The following CPT1B variants were observed in gnomAD, a reference collection of about 807,000 sequenced individuals.
The protein encoded by CPT1B is carnitine palmitoyltransferase 1B, also known as carnitine O-palmitoyltransferase 1, muscle isoform.
A neutral mutation model predicts 92.7 loss-of-function variants in CPT1B; 57 were observed. That is an observed-to-expected ratio of 0.62 (90% CI 0.50 to 0.77). The LOEUF (loss-of-function observed/expected upper bound fraction) is 0.77. Ranked by LOEUF, CPT1B falls within the 30% of genes least tolerant of loss-of-function variation. The pLI is 0.00. For missense variants in CPT1B, 983 were observed against 1,017.4 expected (o/e 0.97, Z 0.46); for synonymous variants, 398 against 383.5 (o/e 1.04, Z -0.44).
chr22:50,572,290 G>A lies in CPT1B; in HGVS notation c.1371C>T (p.Phe457=). ...GGCCATTCTTGAAGGAAATGAGAGT[G>A]AAGGATTTGTCAAACCACCTGCAGG... ...NCYNRWFDKS[F]TLISFKNGQL... The change falls in exon 12 of 20, where the codon TTC becomes TTT. Residue 457 remains phenylalanine, a synonymous_variant. Transcript: ENST00000312108. 6.2e-7 allele frequency: 1 copy of A among 1,613,590 alleles called. No individual in the cohort carries two copies. Among genetic ancestry groups the A allele is most frequent in the Non-Finnish European group, 8.5e-7 (1 of 1,179,660 alleles).
Position 50,571,409 on chromosome 22 carries a change from A to G in CPT1B, c.1706T>C (p.Phe569Ser), listed in dbSNP as rs761024071. ...AGCCAGCTGCAGCGCGATCTGCACAAAGGCATCAGGGCTGGTCCGGCACTT... is the reference window on the plus strand; with the variant it reads ...AGCCAGCTGCAGCGCGATCTGCACAGAGGCATCAGGGCTGGTCCGGCACTT... Reference protein sequence around the residue: ...IKKCRTSPDAFVQIALQLAHF... With the variant: ...IKKCRTSPDASVQIALQLAHF... The change falls in exon 14 of 20, where the codon TTT becomes TCT. Residue 569 changes from phenylalanine to serine, a missense_variant. By Grantham distance (155) the Phe-to-Ser change is radical (BLOSUM62 -2). Coordinates refer to ENST00000312108, the MANE Select transcript of CPT1B (RefSeq NM_152246.3). 1.2e-6 allele frequency: 2 copies of G among 1,613,906 alleles called. No individual in the cohort carries two copies. Among genetic ancestry groups the G allele is most frequent in the Admixed American group, 1.7e-5 (1 of 60,030 alleles).
chr22:50,578,170 A>G (rs73445517), intron 1 of CPT1B: 7,895 of 162,692 alleles, frequency 0.049, 704 homozygotes, highest in African/African-American at 0.18. Flanking sequence ...CAGGAGCCCC[A>G]AGGACGGCGA....
intron 5 of CPT1B, 50 bp downstream of exon 5, chr22:50,576,486 C>T (rs2070442707): frequency 6.3e-6 from 10 of 1,594,214 alleles, no homozygotes; most frequent in Non-Finnish European, 8.6e-6. Context: ...GGAAACATCT[C>T]CTGAATCCAA....
chr22:50,569,782 T>A (rs2070071444), intron 17 of CPT1B, 114 bp from the exon 18 acceptor site: 1 of 882,142 alleles, frequency 1.1e-6, no homozygotes, highest in African/African-American at 1.7e-5. Context: ...GCCCCAGCCC[T>A]AGACACTGCA....
intron 13 of CPT1B, 129 bp from the exon 14 acceptor site, chr22:50,571,668 G>T: frequency 9.2e-7 from 1 of 1,081,388 alleles, no homozygotes; most frequent in Non-Finnish European, 1.3e-6. Context: ...TCAGGAGGAG[G>T]GTACGCAAAA....
At chr22:50,575,204 G>A (rs2070378162) in intron 7 of CPT1B, among the ~76,000 whole-genome samples, 4 of 151,908 alleles carry the variant, frequency 2.6e-5, no homozygotes, top group African/African-American at 7.3e-5. Context: ...TGGTAGAGAC[G>A]GGGTTTCACC....
Position 50,569,635 on chromosome 22 carries a change from T to G in CPT1B, c.2176A>C (p.Ile726Leu). ...AAGAAGATCGTGTTCTCGCCTGCAA[T>G]CATGTAGGAAACTCCATAGCCATCA... The part of the protein sequence containing the change: ...ADDGYGVSYM[I>L]AGENTIFFHI... The change falls in exon 18 of 20, where the codon ATT becomes CTT. Residue 726 changes from isoleucine to leucine, a missense_variant. Ile to Leu is a conservative substitution (Grantham distance 5). Coordinates refer to ENST00000312108, the MANE Select transcript of CPT1B (RefSeq NM_152246.3). The G allele has an allele frequency of 6.2e-7, 1 of 1,614,016 alleles. No homozygotes were observed. The highest frequency in any genetic ancestry group is 8.5e-7 in the Non-Finnish European group (1 of 1,180,014).
In CPT1B at chr22:50,576,124, T is replaced by G. The variant is rs1263062882; in HGVS notation, c.700-12A>C. ...CACCAGTCACTCACCTGTGGGGAGG[T>G]GGAAGGTTAGAGCTGGGGCGGGTGC... On this transcript the variant is annotated splice_polypyrimidine_tract_variant and intron_variant, in intron 6 of 19. Transcript: ENST00000312108. The G allele has an allele frequency of 4.3e-6, 7 of 1,613,326 alleles. No homozygotes were observed. The highest frequency in any genetic ancestry group is 5.9e-6 in the Non-Finnish European group (7 of 1,179,916).
chr22:50,572,222 A>G lies in CPT1B; in HGVS notation c.1439T>C (p.Ile480Thr). 6.2e-7 allele frequency: 1 copy of G among 1,613,500 alleles called. No homozygotes were observed. The highest frequency in any genetic ancestry group is 8.5e-7 in the Non-Finnish European group (1 of 1,179,494). The change falls in exon 12 of 20, where the codon ATC becomes ACC. Residue 480 changes from isoleucine to threonine, a missense_variant. Coordinates refer to ENST00000312108, the MANE Select transcript of CPT1B (RefSeq NM_152246.3). The stretch of plus-strand genomic sequence containing the variant: ...TATTACCTCCCAGAGGTGCCCAATG[A>G]TGGGAGCATCTGCCCACGCATGCTC... ...NAEHAWADAP[I>T]IGHLWEFVLG...
Position 50,571,403 on chromosome 22 carries a change from T to C in CPT1B, c.1712A>G (p.Gln571Arg), listed in dbSNP as rs1399078762. 6.2e-7 allele frequency: 1 copy of C among 1,613,924 alleles called. No individual in the cohort carries two copies. The highest frequency in any genetic ancestry group is 8.5e-7 in the Non-Finnish European group (1 of 1,180,020). The change falls in exon 14 of 20, where the codon CAG (glutamine) becomes CGG (arginine). Residue 571 changes from glutamine (Q) to arginine (R), a missense_variant. Gln to Arg is a conservative substitution (Grantham distance 43). Transcript: ENST00000312108. ...KCRTSPDAFV[Q>R]IALQLAHFRD... ...GAAGTGAGCCAGCTGCAGCGCGATC[T>C]GCACAAAGGCATCAGGGCTGGTCCG... is the stretch of plus-strand genomic sequence containing the variant.
Position 50,573,083 on chromosome 22 carries a change from C to A in CPT1B, c.1167-23G>T. ...ACCCTGAAGCATGGGGCAGGGTAAGCAGTGGGCACGTGGACTTGGGATGAG... is the reference window on the plus strand; with the variant it reads ...ACCCTGAAGCATGGGGCAGGGTAAGAAGTGGGCACGTGGACTTGGGATGAG... On this transcript the variant is annotated intron_variant, in intron 10 of 19. Coordinates refer to ENST00000312108, the MANE Select transcript of CPT1B (RefSeq NM_152246.3). The surrounding 1 kb of genome is among the most constrained non-coding windows in gnomAD (Gnocchi z 5.0). 1 of 1,578,980 alleles carries A rather than the reference C, an allele frequency of 6.3e-7. No homozygotes were observed. Among genetic ancestry groups the A allele is most frequent in the Non-Finnish European group, 8.7e-7 (1 of 1,154,222 alleles).
rs1433893931 is a variant in CPT1B at position 50,576,625 on chromosome 22, G to A, written c.472C>T (p.Leu158Phe). The A allele has an allele frequency of 1.2e-6, 2 of 1,610,858 alleles. No homozygotes were observed. Among genetic ancestry groups the A allele is most frequent in the South Asian group, 2.2e-5 (2 of 90,728 alleles). The change falls in exon 5 of 20, where the codon CTT (leucine) becomes TTT (phenylalanine). Residue 158 changes from leucine to phenylalanine, a missense_variant. Transcript: ENST00000312108. Reference sequence around the variant, plus strand: ...AGCATAGGGTGCCGGCTGGATAGAAGGCGGATACACATCTGGGGGTACAGA... The same window carrying A: ...AGCATAGGGTGCCGGCTGGATAGAAAGCGGATACACATCTGGGGGTACAGA... The part of the protein sequence containing the change: ...LTRIWAMCIR[L>F]LSSRHPMLYS...
Position 50,578,048 on chromosome 22 carries a change from C to A in CPT1B, c.-19-114G>T, listed in dbSNP as rs1443714591. 11 of 593,362 alleles carry A rather than the reference C, an allele frequency of 1.9e-5. 1 individual carries two copies. The highest frequency in any genetic ancestry group is 2.5e-5 in the Non-Finnish European group (11 of 445,640). 36.8% of individuals were successfully genotyped at this position (593,362 alleles called of 1,614,324 possible). A position where few individuals can be genotyped will look rare whatever the true frequency, so the allele number is the denominator to read the frequency against. ...CTCGCGCCCCCCACCCCGCGACTAG[C>A]GGCTGCCCCCGGCCCGCGCCCCCCG... On this transcript the variant is annotated intron_variant, in intron 1 of 19. Transcript: ENST00000312108.
Position 50,570,364 on chromosome 22 carries a change from G to A in CPT1B, c.2071C>T (p.Gln691Ter). ...PWRLSTSQIP[Q>*]SQIRMFDPEQ... The stretch of plus-strand genomic sequence containing the variant: ...GGGTCGAACATGCGGATCTGGGATT[G>A]GGGGATCTGGCTGGTGGAGAGACGC... Residue 691 changes from glutamine to a stop codon, truncating the protein, a stop_gained, in exon 17 of 20, where the codon CAA becomes TAA. Transcript: ENST00000312108. LOFTEE classifies it high-confidence loss of function. 1 of 1,608,566 alleles carries A rather than the reference G, an allele frequency of 6.2e-7. No individual in the cohort carries two copies. The highest frequency in any genetic ancestry group is 1.1e-5 in the South Asian group (1 of 90,378).
rs1371063579 is a variant in CPT1B, at chr22:50,576,313, A to C, written c.584T>G (p.Leu195Trp). The C allele has an allele frequency of 6.2e-7, 1 of 1,613,892 alleles. No individual in the cohort carries two copies. Among genetic ancestry groups the C allele is most frequent in the Non-Finnish European group, 8.5e-7 (1 of 1,180,024 alleles). Residue 195 changes from leucine to tryptophan, a missense_variant, in exon 6 of 20, where the codon TTG becomes TGG. By Grantham distance (61) the Leu-to-Trp change is moderately conservative. Coordinates refer to ENST00000312108, the MANE Select transcript of CPT1B (RefSeq NM_152246.3). Reference protein sequence around the residue: ...IQRYLESVRPLLDDEEYYRME... With the variant: ...IQRYLESVRPWLDDEEYYRME... ...GCGGTAATATTCCTCATCATCCAAC[A>C]AGGGGCGCACAGACTCTAGGTACTG...
At position 50,573,009 on chromosome 22, in the gene CPT1B, C is replaced by T; in HGVS notation, c.1218G>A (p.Lys406=). The part of the protein sequence containing the change: ...RQAFFSSGKN[K]AALEAIERAA... Reference sequence around the variant, plus strand: ...CACGCTCGATGGCCTCCAAGGCAGCCTTATTCTTTCCAGAGCTAAAGAAGG... The same window carrying T: ...CACGCTCGATGGCCTCCAAGGCAGCTTTATTCTTTCCAGAGCTAAAGAAGG... Residue 406 remains lysine, a synonymous_variant, in exon 11 of 20, where the codon AAG becomes AAA. Transcript: ENST00000312108. This position sits in a 1 kb window ranked among gnomAD's most constrained non-coding sequence, Gnocchi z 5.0. 6.2e-7 allele frequency: 1 copy of T among 1,612,594 alleles called. No individual in the cohort carries two copies. Among genetic ancestry groups the T allele is most frequent in the Non-Finnish European group, 8.5e-7 (1 of 1,179,058 alleles).
chr22:50,578,057 C>A, intron 1 of CPT1B, 123 bp from the exon 2 acceptor site: 1 of 521,284 alleles, frequency 1.9e-6, no homozygotes, highest in Non-Finnish European at 2.6e-6. Context: ...GCGGCTGCCC[C>A]CGGCCCGCGC....
At chr22:50,574,965 G>C (rs2070364826) in intron 7 of CPT1B, 2 of 175,408 alleles carry the variant, frequency 1.1e-5, no homozygotes, top group Middle Eastern at 2.4e-3. Context: ...ACCACGCCTG[G>C]CTCTGAGCTT....
At chr22:50,570,640 C>T (rs1221354992) in intron 16 of CPT1B, among the ~76,000 whole-genome samples, 1 of 152,232 alleles carries the variant, frequency 6.6e-6, no homozygotes, top group African/African-American at 2.4e-5. Flanking sequence ...GTAGTGCTGT[C>T]ACCACCTGAC....
Sources: gnomAD v4.1 joint callset for allele counts (sites outside exome capture counted in the v4.1 genomes callset) on GRCh38, gnomAD v4.1.1 for gene constraint, Gnocchi (gnomAD v3.1) non-coding constraint, MANE v1.5 for transcripts, NCBI Gene and HGNC (gene_info 2026-07-23, HGNC 2026-07-21) for gene names.